ESRP1: variants seen among roughly 807,000 people sequenced by gnomAD.
The protein encoded by ESRP1 is epithelial splicing regulatory protein 1, also known as RNA-binding motif protein 35A.
Under a neutral mutation model 81.7 loss-of-function variants are expected in ESRP1, and 33 were observed. That is an observed-to-expected ratio of 0.40 (90% CI 0.31 to 0.54). The LOEUF is 0.54. Among genes scored for constraint, ESRP1 ranks in the 20% least tolerant of loss-of-function variants. The pLI, the probability that ESRP1 is intolerant of heterozygous loss-of-function variation, is 0.41. For synonymous variants in ESRP1, 320 were observed against 303.3 expected (o/e 1.06, Z -0.57); for missense variants, 672 against 833.1 (o/e 0.81, Z 2.38).
intron 4 of ESRP1, among the ~76,000 whole-genome samples, chr8:94,647,589 C>T (rs1055248595): frequency 6.6e-6 from 1 of 152,088 alleles, no homozygotes; most frequent in African/African-American, 2.4e-5. Flanking sequence ...AGGTCACTGC[C>T]CTATCTAATT....
At chr8:94,697,936 A>G (rs1290904381) in intron 15 of ESRP1, among the ~76,000 whole-genome samples, 1 of 152,026 alleles carries the variant, frequency 6.6e-6, no homozygotes, top group Non-Finnish European at 1.5e-5. Flanking sequence ...ACCTGCCACC[A>G]TGCCTGGCTT....
At chr8:94,651,555 G>A (rs1715955087) in intron 4 of ESRP1, among the ~76,000 whole-genome samples, 2 of 152,110 alleles carry the variant, frequency 1.3e-5, no homozygotes, top group Admixed American at 1.3e-4. Context: ...TGAAAGCTTT[G>A]TAAGTGAAGT....
intron 4 of ESRP1, chr8:94,655,911 G>C (rs541788454): frequency 1.8e-4 from 27 of 152,188 alleles, no homozygotes; most frequent in African/African-American, 5.1e-4. Flanking sequence ...TAGGCAGACA[G>C]CTAGGTTTGG....
At chr8:94,644,612 G>A (rs181759763) in intron 3 of ESRP1, among the ~76,000 whole-genome samples, 65 of 152,240 alleles carry the variant, frequency 4.3e-4, no homozygotes, top group African/African-American at 1.4e-3. Flanking sequence ...CTCACATGAC[G>A]GAAGGACAAG....
chr8:94,644,043 A>G lies in ESRP1; in HGVS notation c.375+627A>G, dbSNP rs1332716527. On this transcript the variant is annotated intron_variant, in intron 3 of 15. Transcript: ENST00000433389. ...TCAAAACATTCTTGCATCAAAACAA[A>G]AGGGTCAGCCTCATCTTTTACCTTT... Among the ~76,000 whole-genome samples, 9 of 152,208 alleles carry G rather than the reference A, an allele frequency of 5.9e-5. No individual in the cohort carries two copies. The East Asian group carries it at 1.5e-3, about 26-fold the overall frequency.
intron 2 of ESRP1, 128 bp from the exon 3 acceptor site, chr8:94,643,175 C>A: frequency 1.7e-6 from 1 of 604,362 alleles, no homozygotes; most frequent in South Asian, 2.2e-5. Flanking sequence ...TCCAAGGTTG[C>A]CCCAGCACCG....
chr8:94,664,268 C>T (rs1406900427), intron 6 of ESRP1, among the ~76,000 whole-genome samples: 2 of 151,936 alleles, frequency 1.3e-5, no homozygotes, highest in Non-Finnish European at 2.9e-5. Context: ...GGATTATAAG[C>T]GTACACCACC....
chr8:94,651,799 T>C (rs114701747), intron 4 of ESRP1, among the ~76,000 whole-genome samples: 1 of 151,902 alleles, frequency 6.6e-6, no homozygotes, highest in African/African-American at 2.4e-5. Flanking sequence ...GTATTTTTAG[T>C]AGTATTTAAC....
intron 9 of ESRP1, 24 bp from the exon 10 acceptor site, chr8:94,667,925 C>A: frequency 6.5e-7 from 1 of 1,530,926 alleles, no homozygotes; most frequent in Non-Finnish European, 8.8e-7. Flanking sequence ...TCTCTCCCTG[C>A]TTCCTAATAT....
chr8:94,678,053 A>T, intron 12 of ESRP1, 150 bp from the exon 13 acceptor site: 1 of 751,330 alleles, frequency 1.3e-6, no homozygotes, highest in Non-Finnish European at 2.1e-6. Flanking sequence ...TTAACTGTAT[A>T]ATCAAAAGGA....
chr8:94,663,884 C>G (rs757470485), intron 6 of ESRP1, among the ~76,000 whole-genome samples: 3 of 152,106 alleles, frequency 2.0e-5, no homozygotes, highest in Non-Finnish European at 4.4e-5. Flanking sequence ...TATGGACATT[C>G]TCTGGGATGG....
At chr8:94,687,242 C>A (rs1422478931) in intron 13 of ESRP1, among the ~76,000 whole-genome samples, 1 of 152,138 alleles carries the variant, frequency 6.6e-6, no homozygotes, top group East Asian at 1.9e-4. Flanking sequence ...GATAATATTT[C>A]AGTTTCATTC....
At chr8:94,675,219 A>G (rs1819530640) in intron 12 of ESRP1, among the ~76,000 whole-genome samples, 1 of 152,340 alleles carries the variant, frequency 6.6e-6, no homozygotes, top group East Asian at 1.9e-4. Flanking sequence ...TCTGATGTTA[A>G]AATTTGAGTC....
rs537588168 is a variant in ESRP1, at chr8:94,664,920, C to T, written c.756-7C>T. The T allele has an allele frequency of 5.6e-5, 90 of 1,609,546 alleles. No individual in the cohort carries two copies. The South Asian group carries it at 9.3e-4, about 17-fold the overall frequency. ...TCTACCTGCTGTCTGTTTTATTATT[C>T]TCAAAGGGGAGGTGCAGCACTTTGT... On this transcript the variant is annotated splice_polypyrimidine_tract_variant and splice_region_variant and intron_variant, in intron 7 of 15. Transcript: ENST00000433389.
At position 94,647,180 on chromosome 8, in the gene ESRP1, A is replaced by T. The variant is rs145380862; in HGVS notation, c.490+898A>T. 2.2e-3 allele frequency among the ~76,000 whole-genome samples: 328 copies of T among 152,246 alleles called. 1 individual carries two copies. Among genetic ancestry groups the T allele is most frequent in the Non-Finnish European group, 2.9e-3 (196 of 68,012 alleles). On this transcript the variant is annotated intron_variant, in intron 4 of 15. Transcript: ENST00000433389. ...GTTTGCTCGCATATATTTCATAACT[A>T]CTTGTAAACAGGTCAAATCCGTTTT...
At chr8:94,697,988 G>A (rs1260492969) in intron 15 of ESRP1, among the ~76,000 whole-genome samples, 3 of 151,892 alleles carry the variant, frequency 2.0e-5, no homozygotes, top group African/African-American at 7.3e-5. Flanking sequence ...TCACTATGTT[G>A]GCCAGGCTGG....
At chr8:94,704,766 G>GAAA (rs10618511) in intron 15 of ESRP1, among the ~76,000 whole-genome samples, 4,506 of 108,480 alleles carry the variant, frequency 0.042, 500 homozygotes, top group Non-Finnish European at 0.068. Flanking sequence ...ATCTCTTTTT[G>GAAA]AAAAAAAAAA....
At chr8:94,673,955 T>G (rs1419142391) in intron 11 of ESRP1, among the ~76,000 whole-genome samples, 2 of 152,204 alleles carry the variant, frequency 1.3e-5, no homozygotes, top group Non-Finnish European at 2.9e-5. Context: ...GAATGAGATT[T>G]AATCGAATTT....
chr8:94,644,000 C>A (rs1158879492), intron 3 of ESRP1, among the ~76,000 whole-genome samples: 1 of 152,208 alleles, frequency 6.6e-6, no homozygotes, highest in African/African-American at 2.4e-5. Context: ...TTCACTTTGT[C>A]TGATTTTAAG....
Sources: gnomAD v4.1 joint callset for allele counts (sites outside exome capture counted in the v4.1 genomes callset) on GRCh38, gnomAD v4.1.1 for gene constraint, MANE v1.5 for transcripts, NCBI Gene and HGNC (gene_info 2026-07-23, HGNC 2026-07-21) for gene names.